Variants in OR2L5 observed in about 807,000 individuals in gnomAD.
OR2L5 encodes olfactory receptor family 2 subfamily L member 5.
For missense variants in OR2L5, 413 were observed against 381.6 expected (o/e 1.08, Z -0.69); for synonymous variants, 169 against 142.0 (o/e 1.19, Z -1.35).
rs765819222 is a variant in OR2L5, at chr1:248,022,935, C to T, written c.*49C>T. 12 of 1,473,616 alleles carry T rather than the reference C, an allele frequency of 8.1e-6. No individual in the cohort carries two copies. The highest frequency in any genetic ancestry group is 5.4e-5 in the South Asian group (4 of 74,656). The allele number at this position is 1,473,616 out of a possible 1,614,324, so 91.3% of individuals were successfully genotyped here. A position where few individuals can be genotyped will look rare whatever the true frequency, so the allele number is the denominator to read the frequency against. On this transcript the variant is annotated 3_prime_UTR_variant, in exon 2 of 2. Coordinates refer to ENST00000355281, the MANE Select transcript of OR2L5 (RefSeq NM_001258284.2). ...AAGCGCTAGGTTCATATCAACTCAGCAGTGTACAGCAGTGAAGAAAAACAT... is the reference window on the plus strand; with the variant it reads ...AAGCGCTAGGTTCATATCAACTCAGTAGTGTACAGCAGTGAAGAAAAACAT...
chr1:248,017,646 G>A (rs1423419016), intron 1 of OR2L5, among the ~76,000 whole-genome samples: 1 of 152,142 alleles, frequency 6.6e-6, no homozygotes. Flanking sequence ...ATGACATGCA[G>A]GGGGTGAGGA....
intron 1 of OR2L5, 79 bp from the exon 2 acceptor site, chr1:248,021,848 T>C: frequency 1.2e-6 from 1 of 855,012 alleles, no homozygotes; most frequent in East Asian, 2.5e-5. Context: ...TTTCAGGCAT[T>C]CACTGGAGGC....
At chr1:248,017,470 GCCACTCA>G (rs1398645535) in intron 1 of OR2L5, among the ~76,000 whole-genome samples, 1 of 152,172 alleles carries the variant, frequency 6.6e-6, no homozygotes, top group Non-Finnish European at 1.5e-5. Context: ...TACGTCTCCT[GCCACTCA>G]CCACTTGCAA....
rs1051292328 is a variant in OR2L5 at position 248,022,295 on chromosome 1, A to C, written c.348A>C (p.Ser116=). ...FAGAEALLLT[S]MAYDRYVAIC... ...GTGCAGAAGCGCTGCTCCTGACATC[A>C]ATGGCCTATGATCGTTATGTGGCCA... The change falls in exon 2 of 2, where the codon TCA becomes TCC. Residue 116 remains serine (S), a synonymous_variant. Transcript: ENST00000355281. 1 of 1,613,962 alleles carries C rather than the reference A, an allele frequency of 6.2e-7. No individual in the cohort carries two copies. The highest frequency in any genetic ancestry group is 1.3e-5 in the African/African-American group (1 of 74,890).
intron 1 of OR2L5, among the ~76,000 whole-genome samples, chr1:248,016,089 C>T (rs1044419003): frequency 6.6e-6 from 1 of 152,100 alleles, no homozygotes; most frequent in African/African-American, 2.4e-5. Context: ...TCTTTGTCTT[C>T]TATGAATATG....
Position 248,022,947 on chromosome 1 carries a change from G to A in OR2L5, c.*61G>A. 1 of 1,450,334 alleles carries A rather than the reference G, an allele frequency of 6.9e-7. No individual in the cohort carries two copies. The highest frequency in any genetic ancestry group is 1.4e-5 in the South Asian group (1 of 71,284). The allele number at this position is 1,450,334 out of a possible 1,614,324, so 89.8% of individuals were successfully genotyped here. A position where few individuals can be genotyped will look rare whatever the true frequency, so the allele number is the denominator to read the frequency against. On this transcript the variant is annotated 3_prime_UTR_variant, in exon 2 of 2. Coordinates refer to ENST00000355281, the MANE Select transcript of OR2L5 (RefSeq NM_001258284.2). ...CATATCAACTCAGCAGTGTACAGCA[G>A]TGAAGAAAAACATTATTACATGCCC...
chr1:248,019,986 C>G (rs965864475), intron 1 of OR2L5, among the ~76,000 whole-genome samples: 2 of 152,116 alleles, frequency 1.3e-5, no homozygotes, highest in African/African-American at 4.8e-5. Context: ...CAGGATTTTT[C>G]CATTTTGGTT....
chr1:248,014,893 TC>T (rs1458744466), intron 1 of OR2L5, among the ~76,000 whole-genome samples: 3 of 152,172 alleles, frequency 2.0e-5, no homozygotes, highest in Non-Finnish European at 4.4e-5. Flanking sequence ...AAACCGAGTC[TC>T]TTTCCCATGA....
chr1:248,023,932 A>G lies in OR2L5; in HGVS notation c.*1046A>G, dbSNP rs1194979603. 6.6e-6 allele frequency: 1 copy of G among 152,202 alleles called. No individual in the cohort carries two copies. Among genetic ancestry groups the G allele is most frequent in the Admixed American group, 6.5e-5 (1 of 15,272 alleles). The allele number at this position is 152,202 out of a possible 1,614,324, so 9.4% of individuals were successfully genotyped here. A position where few individuals can be genotyped will look rare whatever the true frequency, so the allele number is the denominator to read the frequency against. On this transcript the variant is annotated 3_prime_UTR_variant, in exon 2 of 2. Coordinates refer to ENST00000355281, the MANE Select transcript of OR2L5 (RefSeq NM_001258284.2). Reference sequence around the variant, plus strand: ...AGTTCTTTCTGTTGCTCTCAAATAGAATAATCTTCACTCTGGAAATATAAT... The same window carrying G: ...AGTTCTTTCTGTTGCTCTCAAATAGGATAATCTTCACTCTGGAAATATAAT...
chr1:248,022,308 C>G lies in OR2L5; in HGVS notation c.361C>G (p.Arg121Gly), dbSNP rs566745463. 1 of 1,614,136 alleles carries G rather than the reference C, an allele frequency of 6.2e-7. No individual in the cohort carries two copies. ...GCTCCTGACATCAATGGCCTATGATCGTTATGTGGCCATTTGCTTTCCTCT... is the reference window on the plus strand; with the variant it reads ...GCTCCTGACATCAATGGCCTATGATGGTTATGTGGCCATTTGCTTTCCTCT... ...ALLLTSMAYDRYVAICFPLHY... is the reference protein window; with the variant it reads ...ALLLTSMAYDGYVAICFPLHY... The change falls in exon 2 of 2, where the codon CGT (arginine) becomes GGT (glycine). Residue 121 changes from arginine (R) to glycine (G), a missense_variant. Coordinates refer to ENST00000355281, the MANE Select transcript of OR2L5 (RefSeq NM_001258284.2).
intron 1 of OR2L5, among the ~76,000 whole-genome samples, chr1:248,019,454 A>G (rs72763240): frequency 0.065 from 9,882 of 152,180 alleles, 364 homozygotes; most frequent in East Asian, 0.16. Context: ...TTTTCCACAG[A>G]GGCTGTAGAA....
chr1:248,017,934 C>A (rs1221945728), intron 1 of OR2L5, among the ~76,000 whole-genome samples: 1 of 151,906 alleles, frequency 6.6e-6, no homozygotes, highest in African/African-American at 2.4e-5. Flanking sequence ...AAAATACATT[C>A]GTATCGAGAC....
At position 248,022,521 on chromosome 1, in the gene OR2L5, TG is replaced by T. The variant is rs1662366421; in HGVS notation, c.577del (p.Val193SerfsTer8). The T allele has an allele frequency of 6.2e-7, 1 of 1,614,182 alleles. No homozygotes were observed. The highest frequency in any genetic ancestry group is 1.3e-5 in the African/African-American group (1 of 75,052). On this transcript the variant is annotated frameshift_variant, in exon 2 of 2. Transcript: ENST00000355281. LOFTEE classifies it low-confidence loss of function (END_TRUNC). ...AMLTLACTDTWVYEYTVFLSS... is the reference protein window; with the variant it reads ...AMLTLACTDTXVYEYTVFLSS... ...GTTGACATTAGCCTGTACAGACACC[TG>T]GGTCTATGAGTACACAGTGTTTTTG...
intron 1 of OR2L5, among the ~76,000 whole-genome samples, chr1:248,019,056 G>A (rs1241811842): frequency 6.6e-6 from 1 of 152,022 alleles, no homozygotes; most frequent in Non-Finnish European, 1.5e-5. Context: ...ACGGACACTT[G>A]TTTCTGCCTT....
Position 248,022,309 on chromosome 1 carries a change from G to A in OR2L5, c.362G>A (p.Arg121His), listed in dbSNP as rs752145492. 44 of 1,614,088 alleles carry A rather than the reference G, an allele frequency of 2.7e-5. No individual in the cohort carries two copies. The East Asian group carries it at 5.6e-4, about 20-fold the overall frequency. The change falls in exon 2 of 2, where the codon CGT becomes CAT. Residue 121 changes from arginine to histidine, a missense_variant. Transcript: ENST00000355281. ...CTCCTGACATCAATGGCCTATGATCGTTATGTGGCCATTTGCTTTCCTCTC... is the reference window on the plus strand; with the variant it reads ...CTCCTGACATCAATGGCCTATGATCATTATGTGGCCATTTGCTTTCCTCTC... ...ALLLTSMAYD[R>H]YVAICFPLHY... is the part of the protein sequence containing the mutation.
intron 1 of OR2L5, among the ~76,000 whole-genome samples, chr1:248,021,390 C>T (rs1662331283): frequency 6.6e-6 from 1 of 152,158 alleles, no homozygotes; most frequent in Non-Finnish European, 1.5e-5. Flanking sequence ...AATTGGCTTA[C>T]TATTCTATAA....
In OR2L5 at chr1:248,023,743, C is replaced by G. The variant is rs931529682; in HGVS notation, c.*857C>G. ...TAAAAGTTGTCAGCTTAGGTCCATT[C>G]TCTGAGTGAAAGGCCATGGCTCTCC... On this transcript the variant is annotated 3_prime_UTR_variant, in exon 2 of 2. Coordinates refer to ENST00000355281, the MANE Select transcript of OR2L5 (RefSeq NM_001258284.2). The G allele has an allele frequency of 2.0e-5, 3 of 152,138 alleles. No individual in the cohort carries two copies. Among genetic ancestry groups the G allele is most frequent in the South Asian group, 2.1e-4 (1 of 4,822 alleles). 9.4% of individuals were successfully genotyped at this position (152,138 alleles called of 1,614,324 possible).
intron 1 of OR2L5, among the ~76,000 whole-genome samples, chr1:248,018,591 G>A (rs1202129374): frequency 6.6e-6 from 1 of 152,110 alleles, no homozygotes; most frequent in Non-Finnish European, 1.5e-5. Context: ...AATGTATTTG[G>A]AATTCCAAAT....
chr1:248,018,564 T>C (rs537785434), intron 1 of OR2L5, among the ~76,000 whole-genome samples: 14 of 152,276 alleles, frequency 9.2e-5, no homozygotes, highest in Admixed American at 7.9e-4. Context: ...CTCAGAAACT[T>C]GTAGGAATTT....
Sources: gnomAD v4.1 joint callset for allele counts (sites outside exome capture counted in the v4.1 genomes callset) on GRCh38, gnomAD v4.1.1 for gene constraint, MANE v1.5 for transcripts, NCBI Gene and HGNC (gene_info 2026-07-23, HGNC 2026-07-21) for gene names.